The following ING2 variants were observed in gnomAD, a reference collection of about 807,000 sequenced individuals.
ING2 encodes inhibitor of growth protein 2.
A neutral mutation model predicts 30.6 loss-of-function variants in ING2; 7 were observed. That is an observed-to-expected ratio of 0.23 (90% CI 0.13 to 0.43). The LOEUF (loss-of-function observed/expected upper bound fraction) is 0.43, where lower values mean the gene tolerates loss of function less well. Among genes scored for constraint, ING2 ranks in the 20% least tolerant of loss-of-function variants. The pLI is 1.00. For synonymous variants in ING2, 136 were observed against 121.7 expected, an observed-to-expected ratio of 1.12 and a Z score of -0.78; for missense variants, 239 against 334.9, an observed-to-expected ratio of 0.71 and a Z score of 2.24.
rs1734820866 is a variant in ING2 at position 183,511,527 on chromosome 4, CTT to C, written c.*578_*579del. The stretch of plus-strand genomic sequence containing the variant: ...CTCTTATGAGAGTACGTGCTGCTGT[CTT>C]TTGCTTAGTAGCATTTTGATCCACT... On this transcript the variant is annotated 3_prime_UTR_variant, in exon 2 of 2. Transcript: ENST00000302327. Among the ~76,000 whole-genome samples the C allele has an allele frequency of 6.6e-6, 1 of 152,186 alleles. No individual in the cohort carries two copies. The highest frequency in any genetic ancestry group is 1.5e-5 in the Non-Finnish European group (1 of 68,040).
At chr4:183,508,547 C>T (rs1579169157) in intron 1 of ING2, among the ~76,000 whole-genome samples, 1 of 152,236 alleles carries the variant, frequency 6.6e-6, no homozygotes, top group East Asian at 1.9e-4. Flanking sequence ...GTTATATATT[C>T]CAAGTTAGAC....
intron 1 of ING2, chr4:183,506,180 G>GC: frequency 3.9e-6 from 5 of 1,296,386 alleles, no homozygotes; most frequent in Non-Finnish European, 5.1e-6. Flanking sequence ...TCGGGGCTGT[G>GC]CGGGGGCGTT....
intron 1 of ING2, among the ~76,000 whole-genome samples, chr4:183,505,636 C>T (rs1363042354): frequency 6.6e-6 from 1 of 152,124 alleles, no homozygotes; most frequent in Admixed American, 6.5e-5. Flanking sequence ...GGGAATCAGC[C>T]ATTTTAAGCA....
chr4:183,508,284 G>A (rs982904277), intron 1 of ING2, among the ~76,000 whole-genome samples: 11 of 151,882 alleles, frequency 7.2e-5, no homozygotes, highest in Non-Finnish European at 1.6e-4. Flanking sequence ...GTGCTGGTAT[G>A]ATATATACTG....
At chr4:183,508,034 A>G (rs1256232423) in intron 1 of ING2, among the ~76,000 whole-genome samples, 1 of 152,090 alleles carries the variant, frequency 6.6e-6, no homozygotes, top group African/African-American at 2.4e-5. Flanking sequence ...TATAGTTTAT[A>G]GAAAGTGCTT....
chr4:183,506,634 A>C (rs1264676072), intron 1 of ING2, among the ~76,000 whole-genome samples: 1 of 152,232 alleles, frequency 6.6e-6, no homozygotes, highest in Non-Finnish European at 1.5e-5. Context: ...TCCTGGACCC[A>C]TTCTCTGTTT....
intron 1 of ING2, among the ~76,000 whole-genome samples, chr4:183,507,075 G>T (rs1734666031): frequency 6.6e-6 from 1 of 152,160 alleles, no homozygotes; most frequent in African/African-American, 2.4e-5. Context: ...TAGTTTTTCA[G>T]ATAACACCAA....
intron 1 of ING2, among the ~76,000 whole-genome samples, chr4:183,508,563 T>C (rs1734736767): frequency 2.0e-5 from 3 of 152,342 alleles, no homozygotes; most frequent in East Asian, 1.9e-4. Flanking sequence ...TAGACAGTTG[T>C]ACATCAAGTA....
chr4:183,509,515 G>C (rs767733966), intron 1 of ING2, among the ~76,000 whole-genome samples: 119 of 150,438 alleles, frequency 7.9e-4, no homozygotes, highest in Non-Finnish European at 6.6e-4. Flanking sequence ...GCGCGATCTC[G>C]GCTCACTGCA....
rs775813831 is a variant in ING2, at chr4:183,512,231, G to A, written c.*1279G>A. ...TTGATTAACATGAAAAATCCTGTCT[G>A]CTTGTTTTGGGAAAAAAAAATGCTT... is the stretch of plus-strand genomic sequence containing the variant. On this transcript the variant is annotated 3_prime_UTR_variant, in exon 2 of 2. Coordinates refer to ENST00000302327, the MANE Select transcript of ING2 (RefSeq NM_001564.4). Among the ~76,000 whole-genome samples, 16 of 151,038 alleles carry A rather than the reference G, an allele frequency of 1.1e-4. No homozygotes were observed. The highest frequency in any genetic ancestry group is 4.4e-5 in the Non-Finnish European group (3 of 67,786).
intron 1 of ING2, among the ~76,000 whole-genome samples, chr4:183,505,606 C>T (rs1019406703): frequency 1.3e-5 from 2 of 152,090 alleles, no homozygotes; most frequent in African/African-American, 2.4e-5. Flanking sequence ...GCAGACCCAG[C>T]GGCTGCAGCT....
At chr4:183,506,524 G>A (rs1014421576) in intron 1 of ING2, among the ~76,000 whole-genome samples, 1 of 152,208 alleles carries the variant, frequency 6.6e-6, no homozygotes, top group Non-Finnish European at 1.5e-5. Flanking sequence ...TACTAGGAGG[G>A]CAGTTTAAAA....
chr4:183,506,409 C>T (rs1734650040), intron 1 of ING2: 1 of 938,462 alleles, frequency 1.1e-6, no homozygotes, highest in East Asian at 6.2e-5. Flanking sequence ...GCCCCTCCTT[C>T]TCCGACTTTA....
intron 1 of ING2, among the ~76,000 whole-genome samples, chr4:183,509,891 A>G (rs1416674887): frequency 1.3e-5 from 2 of 151,186 alleles, no homozygotes; most frequent in African/African-American, 2.4e-5. Context: ...GCCTGCCACC[A>G]TGCCCGGCTA....
chr4:183,507,011 A>G (rs975156014), intron 1 of ING2, among the ~76,000 whole-genome samples: 3 of 152,240 alleles, frequency 2.0e-5, no homozygotes, highest in Non-Finnish European at 4.4e-5. Context: ...GAGCACAAAC[A>G]TGAATGGTAA....
chr4:183,505,592 C>A (rs1039387375), intron 1 of ING2, among the ~76,000 whole-genome samples: 2 of 152,058 alleles, frequency 1.3e-5, no homozygotes, highest in Non-Finnish European at 2.9e-5. Flanking sequence ...TGTCAGCCCC[C>A]GCTGCAGACC....
chr4:183,509,477 G>C (rs763868387), intron 1 of ING2, among the ~76,000 whole-genome samples: 4 of 142,004 alleles, frequency 2.8e-5, no homozygotes, highest in Non-Finnish European at 6.1e-5. Context: ...ACGGAGTCTT[G>C]CTCTGTCTCC....
In ING2 at chr4:183,505,137, G is replaced by A. The variant is rs184011852; in HGVS notation, c.-59G>A. The A allele has an allele frequency of 6.0e-6, 9 of 1,488,950 alleles. No individual in the cohort carries two copies. Among genetic ancestry groups the A allele is most frequent in the South Asian group, 1.3e-5 (1 of 78,604 alleles). The allele number at this position is 1,488,950 out of a possible 1,614,324, so 92.2% of individuals were successfully genotyped here. A position where few individuals can be genotyped will look rare whatever the true frequency, so the allele number is the denominator to read the frequency against. The stretch of plus-strand genomic sequence containing the variant: ...TGAGCTGAGGGCCCGCGGCGGCCGC[G>A]GCCGGTGCATGTGCGGCTGCTGGAT... On this transcript the variant is annotated 5_prime_UTR_variant, in exon 1 of 2. Transcript: ENST00000302327.
Position 183,511,725 on chromosome 4 carries a change from C to T in ING2, c.*773C>T, listed in dbSNP as rs745932515. ...GCAAACTTTGGGTTATATAGTATCA[C>T]GGCTCAAGGTTGAACAATTTAAAAA... On this transcript the variant is annotated 3_prime_UTR_variant, in exon 2 of 2. Transcript: ENST00000302327. 5.3e-5 allele frequency among the ~76,000 whole-genome samples: 8 copies of T among 152,140 alleles called. No individual in the cohort carries two copies. Among genetic ancestry groups the T allele is most frequent in the Admixed American group, 1.3e-4 (2 of 15,268 alleles).
Sources: gnomAD v4.1 joint callset for allele counts (sites outside exome capture counted in the v4.1 genomes callset) on GRCh38, gnomAD v4.1.1 for gene constraint, MANE v1.5 for transcripts, NCBI Gene and HGNC (gene_info 2026-07-23, HGNC 2026-07-21) for gene names.